Variants in CDK12 observed in about 807,000 individuals in gnomAD.
CDK12 encodes cyclin dependent kinase 12, also known as cyclin-dependent kinase 12.
CDK12 carries 17 observed loss-of-function variants against 133.8 expected under a neutral mutation model. That is an observed-to-expected ratio of 0.13 (90% CI 0.09 to 0.19). The LOEUF (loss-of-function observed/expected upper bound fraction) is 0.19, where lower values mean the gene tolerates loss of function less well. Among genes scored for constraint, CDK12 ranks in the 10% least tolerant of loss-of-function variants. CDK12 has a pLI of 1.00. For missense variants in CDK12, 1,508 were observed against 1,818.7 expected, an observed-to-expected ratio of 0.83 and a Z score of 3.11; for synonymous variants, 694 against 683.6, an observed-to-expected ratio of 1.02 and a Z score of -0.24.
At chr17:39,519,798 T>C (rs1253356445) in intron 10 of CDK12, among the ~76,000 whole-genome samples, 158 bp from the exon 11 acceptor site, 2 of 152,082 alleles carry the variant, frequency 1.3e-5, no homozygotes, top group African/African-American at 2.4e-5. Flanking sequence ...GGTTTCAGTA[T>C]GTTGCCCAGG....
intron 3 of CDK12, among the ~76,000 whole-genome samples, chr17:39,564,530 A>C (rs943794110): frequency 6.6e-6 from 1 of 152,202 alleles, no homozygotes; most frequent in African/African-American, 2.4e-5. Context: ...CCTGCTATTC[A>C]GAGGTCTTTG....
At chr17:39,495,841 C>T (rs2052063705) in intron 5 of CDK12, among the ~76,000 whole-genome samples, 1 of 151,586 alleles carries the variant, frequency 6.6e-6, no homozygotes, top group Admixed American at 6.6e-5. Flanking sequence ...CACTTCCTCC[C>T]AATATACTAC....
In CDK12 at chr17:39,553,794, CAT is replaced by C. The variant is rs200172113; in HGVS notation, n.357-2490_357-2489del. ...CAGCAAGCTCAAGGTTCTGGTGACT[CAT>C]AGCAGTGGAGGTGGCTCACAAAAAC... On this transcript the variant is annotated intron_variant and non_coding_transcript_variant, in intron 2 of 3. Transcript: ENST00000558240. Among the ~76,000 whole-genome samples, 22 of 152,286 alleles carry C rather than the reference CAT, an allele frequency of 1.4e-4. No individual in the cohort carries two copies. The East Asian group carries it at 3.7e-3, about 25-fold the overall frequency.
intron 8 of CDK12, among the ~76,000 whole-genome samples, chr17:39,511,898 T>C (rs542970327): frequency 3.9e-5 from 6 of 152,350 alleles, no homozygotes; most frequent in South Asian, 2.1e-4. Flanking sequence ...TAGCTTGCAA[T>C]TGATTACATC....
chr17:39,474,317 A>C (rs1233275377), intron 2 of CDK12, among the ~76,000 whole-genome samples: 1 of 151,988 alleles, frequency 6.6e-6, no homozygotes, highest in Non-Finnish European at 1.5e-5. Flanking sequence ...GATAATTGTA[A>C]TTTTATTTCA....
chr17:39,495,726 C>T (rs1329465029), intron 5 of CDK12, among the ~76,000 whole-genome samples: 4 of 147,030 alleles, frequency 2.7e-5, no homozygotes, highest in East Asian at 4.2e-4. Flanking sequence ...ACCTGGGAGG[C>T]GGAGCTTGCG....
chr17:39,555,089 C>CA (rs1478897079), intron 2 of CDK12, among the ~76,000 whole-genome samples: 1 of 149,998 alleles, frequency 6.7e-6, no homozygotes, highest in African/African-American at 2.5e-5. Flanking sequence ...ATTAAAAATA[C>CA]AAAAAATTAG....
At position 39,462,198 on chromosome 17, in the gene CDK12, A is replaced by G. The variant is rs746824859; in HGVS notation, c.127A>G (p.Lys43Glu). 6.2e-7 allele frequency: 1 copy of G among 1,614,232 alleles called. No individual in the cohort carries two copies. The highest frequency in any genetic ancestry group is 1.1e-5 in the South Asian group (1 of 91,080). The change falls in exon 1 of 14, where the codon AAG becomes GAG. Residue 43 changes from lysine (K) to glutamate (E), a missense_variant. Transcript: ENST00000447079. ...RERHRLVSKH[K>E]RHKSKHSKDM... The stretch of plus-strand genomic sequence containing the variant: ...GCGTCACCGCTTGGTATCGAAGCAC[A>G]AGCGGCATAAGTCCAAACACTCCAA...
At chr17:39,544,579 G>A (rs1461516759), upstream of CDK12, among the ~76,000 whole-genome samples, 2 of 147,994 alleles carry the variant, frequency 1.4e-5, no homozygotes, top group Non-Finnish European at 3.0e-5. Context: ...CGGGGTTCAA[G>A]TGATTCTCGT....
In CDK12 at chr17:39,462,164, C is replaced by T. The variant is rs781546834; in HGVS notation, c.93C>T (p.Asn31=). The change falls in exon 1 of 14, where the codon AAC becomes AAT. Residue 31 remains asparagine (N), a synonymous_variant. Coordinates refer to ENST00000447079, the MANE Select transcript of CDK12 (RefSeq NM_016507.4). ...LQPSSGGGSS[N]SRERHRLVSK... ...CGTCATCGGGAGGCGGCAGCTCTAA[C>T]AGCAGAGAGCGTCACCGCTTGGTAT... 8 of 1,614,150 alleles carry T rather than the reference C, an allele frequency of 5.0e-6. No homozygotes were observed. In the East Asian group the frequency reaches 1.8e-4, roughly 36 times the overall value.
Position 39,471,135 on chromosome 17 carries a change from G to C in CDK12, c.1303G>C (p.Val435Leu). 2 of 1,598,398 alleles carry C rather than the reference G, an allele frequency of 1.3e-6. No homozygotes were observed. Among genetic ancestry groups the C allele is most frequent in the Non-Finnish European group, 1.7e-6 (2 of 1,174,912 alleles). The change falls in exon 2 of 14, where the codon GTA (valine) becomes CTA (leucine). Residue 435 changes from valine (V) to leucine (L), a missense_variant. Val to Leu is a conservative substitution (Grantham distance 32, BLOSUM62 1). This residue lies in a region of CDK12 where 347 missense variants were observed against 330.8 expected (regional missense o/e 1.05). Coordinates refer to ENST00000447079, the MANE Select transcript of CDK12 (RefSeq NM_016507.4). Reference protein sequence around the residue: ...VFLPRKENSSVEAKDSGLESK... With the variant: ...VFLPRKENSSLEAKDSGLESK... The stretch of plus-strand genomic sequence containing the variant: ...TTTGCCTAGAAAAGAGAACAGTTCA[G>C]TAGAGGCTAAGGATTCAGGTTTGGA...
intron 2 of CDK12, among the ~76,000 whole-genome samples, chr17:39,482,999 G>A (rs1262997813): frequency 6.8e-6 from 1 of 147,980 alleles, no homozygotes; most frequent in Non-Finnish European, 1.5e-5. Context: ...TGCAACCTTC[G>A]CCTCCTGGAT....
chr17:39,515,839 A>T, intron 9 of CDK12, 31 bp downstream of exon 9: 1 of 1,375,322 alleles, frequency 7.3e-7, no homozygotes, highest in Non-Finnish European at 1.0e-6. Flanking sequence ...TTGAGTGCCC[A>T]GGTGTGATAG....
Position 39,530,988 on chromosome 17 carries a change from A to G in CDK12, c.4145A>G (p.His1382Arg). 1.9e-6 allele frequency: 3 copies of G among 1,614,210 alleles called. No homozygotes were observed. The highest frequency in any genetic ancestry group is 2.5e-6 in the Non-Finnish European group (3 of 1,180,040). Residue 1382 changes from histidine (H) to arginine (R), a missense_variant, in exon 14 of 14, where the codon CAC becomes CGC. By Grantham distance (29) the His-to-Arg change is conservative. Coordinates refer to ENST00000447079, the MANE Select transcript of CDK12 (RefSeq NM_016507.4). ...AGGACCTTCTCAGGCTCTCTGAGCC[A>G]CCTTGGGGAGTCCAGCAGTTACCAG... Reference protein sequence around the residue: ...KNRTFSGSLSHLGESSSYQGT... With the variant: ...KNRTFSGSLSRLGESSSYQGT...
chr17:39,476,635 A>G (rs1297312755), intron 2 of CDK12, among the ~76,000 whole-genome samples: 1 of 146,764 alleles, frequency 6.8e-6, no homozygotes, highest in Non-Finnish European at 1.5e-5. Context: ...CTGGTCAGGA[A>G]CTCCTGATCT....
chr17:39,472,659 A>G (rs1422776990), intron 2 of CDK12, among the ~76,000 whole-genome samples: 1 of 152,078 alleles, frequency 6.6e-6, no homozygotes, highest in African/African-American at 2.4e-5. Flanking sequence ...TGTGGATATC[A>G]TGACACTTTA....
upstream of CDK12, among the ~76,000 whole-genome samples, chr17:39,545,627 C>T (rs1395378857): frequency 2.0e-5 from 3 of 150,502 alleles, no homozygotes; most frequent in Admixed American, 1.3e-4. Flanking sequence ...GCCTCCTGAG[C>T]AGCTGGGATT....
At chr17:39,482,791 G>C (rs1316881101) in intron 2 of CDK12, among the ~76,000 whole-genome samples, 2 of 151,354 alleles carry the variant, frequency 1.3e-5, no homozygotes, top group Non-Finnish European at 2.9e-5. Context: ...TTAGTAGAGA[G>C]GGGTTATGCC....
chr17:39,512,852 A>C (rs1392184524), intron 8 of CDK12, among the ~76,000 whole-genome samples: 1 of 152,254 alleles, frequency 6.6e-6, no homozygotes, highest in Non-Finnish European at 1.5e-5. Flanking sequence ...AAAGATGACC[A>C]ATGAAAAATG....
Sources: gnomAD v4.1 joint callset for allele counts (sites outside exome capture counted in the v4.1 genomes callset) on GRCh38, gnomAD v4.1.1 for gene constraint, gnomAD v4.1.1 regional missense constraint, MANE v1.5 for transcripts, NCBI Gene and HGNC (gene_info 2026-07-23, HGNC 2026-07-21) for gene names.